SWAP70: variants seen among roughly 807,000 people sequenced by gnomAD.
The protein encoded by SWAP70 is switching B cell complex subunit SWAP70, also known as switch-associated protein 70.
A neutral mutation model predicts 80.2 loss-of-function variants in SWAP70; 34 were observed. That is an observed-to-expected ratio of 0.42 (90% CI 0.32 to 0.56). The LOEUF (loss-of-function observed/expected upper bound fraction) is 0.56. Ranked by LOEUF, SWAP70 falls within the 20% of genes least tolerant of loss-of-function variation. The pLI is 0.09. For synonymous variants in SWAP70, 239 were observed against 238.5 expected (o/e 1.00, Z -0.02); for missense variants, 578 against 690.7 (o/e 0.84, Z 1.83).
chr11:9,741,573 TAG>T (rs1851438402), intron 9 of SWAP70: 1 of 152,214 alleles, frequency 6.6e-6, no homozygotes, highest in South Asian at 2.1e-4. Context: ...TGAGAGTTAA[TAG>T]ATTGTTTTTG....
chr11:9,678,422 A>C (rs1850526636), intron 1 of SWAP70, among the ~76,000 whole-genome samples: 3 of 151,422 alleles, frequency 2.0e-5, no homozygotes, highest in Admixed American at 2.0e-4. Context: ...GATTATTTCT[A>C]GTTTCTATTC....
intron 9 of SWAP70, among the ~76,000 whole-genome samples, chr11:9,742,313 C>A (rs1027737091): frequency 2.0e-5 from 3 of 151,592 alleles, no homozygotes; most frequent in Non-Finnish European, 4.4e-5. Context: ...GTTTTTGGAA[C>A]CTGAAATGGA....
intron 7 of SWAP70, among the ~76,000 whole-genome samples, chr11:9,737,054 A>T (rs11828354): frequency 6.6e-6 from 1 of 152,094 alleles, no homozygotes; most frequent in Non-Finnish European, 1.5e-5. Flanking sequence ...GTCAACCAAC[A>T]AACCAACAAC....
At chr11:9,729,488 T>C in intron 6 of SWAP70, 37 bp downstream of exon 6, 1 of 1,457,220 alleles carries the variant, frequency 6.9e-7, no homozygotes, top group South Asian at 1.2e-5. Context: ...TGATATAACT[T>C]GAAAGCTCTG....
chr11:9,737,608 A>G (rs1851379725), intron 7 of SWAP70, among the ~76,000 whole-genome samples: 1 of 152,174 alleles, frequency 6.6e-6, no homozygotes, highest in African/African-American at 2.4e-5. Flanking sequence ...CTCAAATCTC[A>G]TGAATGTGGC....
intron 9 of SWAP70, among the ~76,000 whole-genome samples, chr11:9,743,040 C>A: frequency 9.8e-6 from 1 of 102,282 alleles, no homozygotes. Context: ...CTAATGCTAT[C>A]CCTCCCCCCT....
chr11:9,693,446 T>G (rs1250413061), intron 1 of SWAP70, among the ~76,000 whole-genome samples: 1 of 152,246 alleles, frequency 6.6e-6, no homozygotes, highest in East Asian at 1.9e-4. Context: ...TAAAATATTT[T>G]TAACCATGTT....
chr11:9,733,707 A>AT lies in SWAP70; in HGVS notation c.1080+999dup, dbSNP rs535802255. ...CTGCTGCAATATATTTTCTGTAAAA[A>AT]TTCCCTTTAAAGGTTACGCTGAGCA... On this transcript the variant is annotated intron_variant, in intron 7 of 11. Coordinates refer to ENST00000318950, the MANE Select transcript of SWAP70 (RefSeq NM_015055.4). 2.9e-3 allele frequency among the ~76,000 whole-genome samples: 437 copies of AT among 152,282 alleles called. 2 individuals carry two copies. The highest frequency in any genetic ancestry group is 4.8e-3 in the Non-Finnish European group (329 of 68,026).
intron 3 of SWAP70, among the ~76,000 whole-genome samples, chr11:9,718,256 A>G (rs540435189): frequency 6.6e-6 from 1 of 152,344 alleles, no homozygotes; most frequent in South Asian, 2.1e-4. Context: ...TTACTCTCTC[A>G]TCATTTCTTC....
chr11:9,714,498 T>C (rs972298549), intron 3 of SWAP70, among the ~76,000 whole-genome samples: 18 of 152,240 alleles, frequency 1.2e-4, no homozygotes, highest in Admixed American at 6.5e-5. Flanking sequence ...CTGATTATTT[T>C]CTTTGAATAA....
At chr11:9,711,740 C>T (rs1851001454) in intron 2 of SWAP70, among the ~76,000 whole-genome samples, 1 of 152,142 alleles carries the variant, frequency 6.6e-6, no homozygotes, top group African/African-American at 2.4e-5. Context: ...GCCTGCTCTA[C>T]CTTGATACCA....
rs754370909 is a variant in SWAP70 at position 9,740,500 on chromosome 11, A to C, written c.1355+153A>C. 35 of 783,166 alleles carry C rather than the reference A, an allele frequency of 4.5e-5. 1 individual carries two copies. Among genetic ancestry groups the C allele is most frequent in the Admixed American group, 6.3e-5 (3 of 47,846 alleles). 48.5% of individuals were successfully genotyped at this position (783,166 alleles called of 1,614,324 possible). A position where few individuals can be genotyped will look rare whatever the true frequency, so the allele number is the denominator to read the frequency against. On this transcript the variant is annotated intron_variant, in intron 9 of 11. Transcript: ENST00000318950. ...GCTGTCCAGATTAGAAAGACTGTGGAGACTCGACCGGCTGGAGTGTTTCTT... is the reference window on the plus strand; with the variant it reads ...GCTGTCCAGATTAGAAAGACTGTGGCGACTCGACCGGCTGGAGTGTTTCTT...
rs546443173 is a variant in SWAP70, at chr11:9,664,118, C to T, written c.-62C>T. 2 of 1,470,946 alleles carry T rather than the reference C, an allele frequency of 1.4e-6. No homozygotes were observed. Among genetic ancestry groups the T allele is most frequent in the Non-Finnish European group, 1.8e-6 (2 of 1,095,740 alleles). 91.1% of individuals were successfully genotyped at this position (1,470,946 alleles called of 1,614,324 possible). A position where few individuals can be genotyped will look rare whatever the true frequency, so the allele number is the denominator to read the frequency against. ...GGCTGTGGCTGCGGAGGTTGAGGGG[C>T]GTCCGAGGCGCGGAGGGGCTGGCTG... On this transcript the variant is annotated 5_prime_UTR_variant, in exon 1 of 12. Transcript: ENST00000318950.
chr11:9,728,160 G>A lies in SWAP70; in HGVS notation c.750G>A (p.Lys250=), dbSNP rs751398282. ...ATGTGAGTGAGGATCTGAAGGATAA[G>A]AAAGGAGACATTCTCTTGGATGAAA... The part of the protein sequence containing the change: ...SYYVSEDLKD[K]KGDILLDENC... Residue 250 remains lysine (K), a synonymous_variant, in exon 5 of 12, where the codon AAG becomes AAA. Coordinates refer to ENST00000318950, the MANE Select transcript of SWAP70 (RefSeq NM_015055.4). The A allele has an allele frequency of 5.0e-6, 8 of 1,612,732 alleles. No homozygotes were observed. The highest frequency in any genetic ancestry group is 1.3e-5 in the African/African-American group (1 of 74,868).
At position 9,724,819 on chromosome 11, in the gene SWAP70, C is replaced by A. The variant is rs1341986783; in HGVS notation, c.576C>A (p.Asp192Glu). 2 of 1,613,878 alleles carry A rather than the reference C, an allele frequency of 1.2e-6. No individual in the cohort carries two copies. Among genetic ancestry groups the A allele is most frequent in the Non-Finnish European group, 1.7e-6 (2 of 1,179,976 alleles). Residue 192 changes from aspartate to glutamate, a missense_variant, in exon 4 of 12, where the codon GAC (aspartate) becomes GAA (glutamate). Coordinates refer to ENST00000318950, the MANE Select transcript of SWAP70 (RefSeq NM_015055.4). ...ATGGACAGTTTAGCAAAGGCATGGA[C>A]CGGCAGACTGTGTCTATGGCAATTA... ...IGNGQFSKGM[D>E]RQTVSMAINE...
At chr11:9,671,465 T>A (rs1452500921) in intron 1 of SWAP70, among the ~76,000 whole-genome samples, 1 of 88,586 alleles carries the variant, frequency 1.1e-5, no homozygotes, top group African/African-American at 4.5e-5. Context: ...AATATATATA[T>A]AAATATATAA....
In SWAP70 at chr11:9,728,059, A is replaced by G. The variant is rs376455558; in HGVS notation, c.649A>G (p.Met217Val). 64 of 1,604,936 alleles carry G rather than the reference A, an allele frequency of 4.0e-5. No homozygotes were observed. Among genetic ancestry groups the G allele is most frequent in the South Asian group, 3.1e-4 (28 of 89,518 alleles). Residue 217 changes from methionine to valine, a missense_variant, in exon 5 of 12, where the codon ATG becomes GTG. Physicochemically the swap from Met to Val is conservative, Grantham distance 21. Coordinates refer to ENST00000318950, the MANE Select transcript of SWAP70 (RefSeq NM_015055.4). ...CACATTTAATCTTTCACAGGGTTAC[A>G]TGATGAAAAAGGGCCACAGACGGAA... ...LILDVLKQGYMMKKGHRRKNW... is the reference protein window; with the variant it reads ...LILDVLKQGYVMKKGHRRKNW...
chr11:9,738,158 A>T, intron 7 of SWAP70, 55 bp from the exon 8 acceptor site: 1 of 1,268,196 alleles, frequency 7.9e-7, no homozygotes, highest in African/African-American at 1.5e-5. Context: ...CTCTCTCTTT[A>T]ATGTACTTCT....
intron 1 of SWAP70, among the ~76,000 whole-genome samples, chr11:9,691,654 T>C (rs1850699149): frequency 6.6e-6 from 1 of 152,158 alleles, no homozygotes; most frequent in Non-Finnish European, 1.5e-5. Flanking sequence ...TACTGGAGAG[T>C]GCTGGACCAG....
Sources: allele counts gnomAD v4.1 joint callset (sites outside exome capture counted in the v4.1 genomes callset), GRCh38; gene constraint gnomAD v4.1.1; transcripts MANE v1.5; gene names NCBI Gene and HGNC (gene_info 2026-07-23, HGNC 2026-07-21).